SPEF2: variants seen among roughly 807,000 people sequenced by gnomAD.
The protein encoded by SPEF2 is sperm flagellar and cilia associated 2, also known as sperm flagella and cilia-associated protein 2.
SPEF2 carries 187 observed loss-of-function variants against 224.6 expected under a neutral mutation model. The ratio of observed to expected loss-of-function variants is 0.83; its 90% CI spans 0.74 to 0.94. The LOEUF is 0.94. Ranked by LOEUF, SPEF2 falls within the 40% of genes least tolerant of loss-of-function variation. The pLI is 0.00. For missense variants in SPEF2, 2,170 were observed against 2,135.6 expected, an observed-to-expected ratio of 1.02 and a Z score of -0.32; for synonymous variants, 715 against 707.3, an observed-to-expected ratio of 1.01 and a Z score of -0.17.
intron 20 of SPEF2, 134 bp downstream of exon 20, chr5:35,713,020 C>G: frequency 1.2e-6 from 1 of 828,508 alleles, no homozygotes; most frequent in Non-Finnish European, 1.8e-6. Flanking sequence ...AAGCCCTTGC[C>G]AAAGAATATA....
chr5:35,763,631 T>C lies in SPEF2; in HGVS notation c.3730T>C (p.Ser1244Pro). The change falls in exon 26 of 37, where the codon TCC (serine) becomes CCC (proline). Residue 1244 changes from serine (S) to proline (P), a missense_variant. Transcript: ENST00000356031. ...GGATAACTCCCTAGAAAACGTTGAGTCCAACTTTGAGGCCGATGAAAAGTT... is the reference window on the plus strand; with the variant it reads ...GGATAACTCCCTAGAAAACGTTGAGCCCAACTTTGAGGCCGATGAAAAGTT... ...KMDNSLENVE[S>P]NFEADEKLVM... 1 of 1,613,922 alleles carries C rather than the reference T, an allele frequency of 6.2e-7. No homozygotes were observed. The highest frequency in any genetic ancestry group is 8.5e-7 in the Non-Finnish European group (1 of 1,179,916).
intron 36 of SPEF2, among the ~76,000 whole-genome samples, chr5:35,811,098 A>AAAAT (rs1758504547): frequency 6.6e-6 from 1 of 151,542 alleles, no homozygotes; most frequent in African/African-American, 2.4e-5. Flanking sequence ...GCTAAAAAAA[A>AAAAT]AAATAATAAA....
chr5:35,673,067 C>T (rs866476569), intron 10 of SPEF2, among the ~76,000 whole-genome samples: 1 of 152,202 alleles, frequency 6.6e-6, no homozygotes, highest in Non-Finnish European at 1.5e-5. Flanking sequence ...AATAACATTT[C>T]TCTCTCCCAG....
At chr5:35,750,268 GA>G (rs1749206921) in intron 23 of SPEF2, among the ~76,000 whole-genome samples, 1 of 151,974 alleles carries the variant, frequency 6.6e-6, no homozygotes, top group Admixed American at 6.6e-5. Context: ...AACTTTGGAA[GA>G]ACCCTTCTGG....
At position 35,624,923 on chromosome 5, in the gene SPEF2, C is replaced by T. The variant is rs1016838214; in HGVS notation, c.59-3537C>T. Among the ~76,000 whole-genome samples the T allele has an allele frequency of 7.2e-5, 11 of 152,358 alleles. No individual in the cohort carries two copies. In the East Asian group the frequency reaches 7.7e-4, roughly 11 times the overall value. ...GTGCTGAGATTACAGGCGTGAGCCA[C>T]GGCATCCAGCCCTGTCTTCTTATTT... is the stretch of plus-strand genomic sequence containing the variant. On this transcript the variant is annotated intron_variant, in intron 1 of 36. Coordinates refer to ENST00000356031, the MANE Select transcript of SPEF2 (RefSeq NM_024867.4).
intron 10 of SPEF2, among the ~76,000 whole-genome samples, chr5:35,689,946 T>C (rs1754208167): frequency 6.6e-6 from 1 of 152,206 alleles, no homozygotes; most frequent in African/African-American, 2.4e-5. Context: ...TAGAATTTTA[T>C]CAATAAAGAG....
In SPEF2 at chr5:35,701,620, T is replaced by G. The variant is rs138766860; in HGVS notation, c.2398+868T>G. ...TTCTATAGGGGTCTGTGCCTCTCACTGGTTTTGACTCAATTCTTCTATAAC... is the reference window on the plus strand; with the variant it reads ...TTCTATAGGGGTCTGTGCCTCTCACGGGTTTTGACTCAATTCTTCTATAAC... On this transcript the variant is annotated intron_variant, in intron 16 of 36. Coordinates refer to ENST00000356031, the MANE Select transcript of SPEF2 (RefSeq NM_024867.4). 1.1e-3 allele frequency among the ~76,000 whole-genome samples: 170 copies of G among 152,314 alleles called. 1 individual carries two copies. In the East Asian group the frequency reaches 0.025, roughly 22 times the overall value.
At chr5:35,768,595 T>G (rs1487627478) in intron 26 of SPEF2, among the ~76,000 whole-genome samples, 2 of 152,130 alleles carry the variant, frequency 1.3e-5, no homozygotes, top group Non-Finnish European at 2.9e-5. Context: ...GTAAAGTGTT[T>G]TAGAAACTAT....
intron 8 of SPEF2, among the ~76,000 whole-genome samples, chr5:35,661,282 ATATATATATATATATATT>A (rs1416657874): frequency 3.1e-5 from 2 of 65,180 alleles, no homozygotes; most frequent in East Asian, 4.3e-4. Flanking sequence ...ATATATATAT[ATATATATATATATATATT>A]ATACACACAT....
intron 20 of SPEF2, among the ~76,000 whole-genome samples, chr5:35,723,154 G>A (rs1744060454): frequency 6.6e-6 from 1 of 152,144 alleles, no homozygotes; most frequent in Non-Finnish European, 1.5e-5. Flanking sequence ...ACCCCAGTGA[G>A]CAGGCTGGTC....
intron 30 of SPEF2, among the ~76,000 whole-genome samples, chr5:35,785,742 T>G (rs1477653025): frequency 6.7e-6 from 1 of 150,090 alleles, no homozygotes; most frequent in African/African-American, 2.5e-5. Context: ...TTTTTTTTTG[T>G]AGAAATGAGG....
chr5:35,792,250 T>G, intron 30 of SPEF2, 90 bp from the exon 31 acceptor site: 3 of 887,308 alleles, frequency 3.4e-6, no homozygotes, highest in East Asian at 2.7e-5. Context: ...ATAAAGAGAG[T>G]TTTAAAATAC....
intron 30 of SPEF2, among the ~76,000 whole-genome samples, chr5:35,779,942 C>G (rs1438673280): frequency 1.3e-5 from 2 of 152,152 alleles, no homozygotes. Flanking sequence ...TTTTATTCAG[C>G]CTTTTCCTAC....
chr5:35,782,800 T>C (rs1164435391), intron 30 of SPEF2, among the ~76,000 whole-genome samples: 1 of 152,172 alleles, frequency 6.6e-6, no homozygotes, highest in Non-Finnish European at 1.5e-5. Flanking sequence ...GCATCATATA[T>C]TGTAACATAT....
At chr5:35,778,949 CTTT>C (rs972649260) in intron 29 of SPEF2, among the ~76,000 whole-genome samples, 165 bp from the exon 30 acceptor site, 1 of 152,058 alleles carries the variant, frequency 6.6e-6, no homozygotes, top group African/African-American at 2.4e-5. Context: ...TATACCCTGC[CTTT>C]TTACAAAATA....
At position 35,739,948 on chromosome 5, in the gene SPEF2, G is replaced by T. The variant is rs1561288022; in HGVS notation, c.3093G>T (p.Trp1031Cys). 1 of 1,613,892 alleles carries T rather than the reference G, an allele frequency of 6.2e-7. No homozygotes were observed. Among genetic ancestry groups the T allele is most frequent in the East Asian group, 2.2e-5 (1 of 44,854 alleles). ...EEMPLFLVPYWELIENSYINT... is the reference protein window; with the variant it reads ...EEMPLFLVPYCELIENSYINT... ...TGCCTTTGTTTTTAGTACCTTACTG[G>T]GAACTAATAGAAAATTCCTATATAA... The change falls in exon 22 of 37, where the codon TGG (tryptophan) becomes TGT (cysteine). Residue 1031 changes from tryptophan (W) to cysteine (C), a missense_variant. Trp to Cys is a radical substitution (Grantham distance 215). Transcript: ENST00000356031.
intron 36 of SPEF2, chr5:35,808,252 C>CT (rs200295152): frequency 4.3e-4 from 320 of 748,544 alleles, no homozygotes; most frequent in Non-Finnish European, 4.7e-4. Context: ...AAGTTGATTT[C>CT]TTTTTTTTTA....
intron 24 of SPEF2, among the ~76,000 whole-genome samples, chr5:35,756,160 G>A (rs570751323): frequency 9.2e-5 from 14 of 152,114 alleles, no homozygotes; most frequent in Middle Eastern, 3.4e-3. Flanking sequence ...ATTCTGTCTC[G>A]CTCAGAATGT....
intron 7 of SPEF2, among the ~76,000 whole-genome samples, chr5:35,656,785 C>T (rs756659421): frequency 6.6e-6 from 1 of 152,206 alleles, no homozygotes; most frequent in Admixed American, 6.5e-5. Context: ...CCTAAGGGGC[C>T]TAAAAAAGAG....
Sources: gnomAD v4.1 joint callset for allele counts (sites outside exome capture counted in the v4.1 genomes callset) on GRCh38, gnomAD v4.1.1 for gene constraint, MANE v1.5 for transcripts, NCBI Gene and HGNC (gene_info 2026-07-23, HGNC 2026-07-21) for gene names.